The following HCN2 variants were observed in gnomAD, a reference collection of about 807,000 sequenced individuals.
The protein encoded by HCN2 is potassium/sodium hyperpolarization-activated cyclic nucleotide-gated channel 2.
Under a neutral mutation model 52.3 loss-of-function variants are expected in HCN2, and 20 were observed. The ratio of observed to expected loss-of-function variants is 0.38; its 90% CI spans 0.27 to 0.56. The LOEUF (loss-of-function observed/expected upper bound fraction) is 0.56. HCN2 is among the 20% of genes least tolerant of loss of function. The probability of loss-of-function intolerance (pLI) is 0.71; values close to 1 mark genes in which losing one functional copy is unlikely to be tolerated. For synonymous variants in HCN2, 694 were observed against 537.0 expected (o/e 1.29, Z -4.04); for missense variants, 981 against 1,207.7 (o/e 0.81, Z 2.78).
rs770097350 is a variant in HCN2, at chr19:590,554, C to T, written c.609C>T (p.Ile203=). ...GCGTCAAGTCGGCGGGGGCCTGGAT[C>T]ATCCACCCGTACAGCGACTTCAGGT... ...QERVKSAGAW[I]IHPYSDFRFY... Residue 203 remains isoleucine (I), a synonymous_variant, in exon 1 of 8, where the codon ATC becomes ATT. Coordinates refer to ENST00000251287, the MANE Select transcript of HCN2 (RefSeq NM_001194.4). This position sits in a 1 kb window ranked among gnomAD's most constrained non-coding sequence, Gnocchi z 7.2. 6.7e-7 allele frequency: 1 copy of T among 1,497,570 alleles called. No individual in the cohort carries two copies. The highest frequency in any genetic ancestry group is 9.0e-7 in the Non-Finnish European group (1 of 1,115,054). 92.8% of individuals were successfully genotyped at this position (1,497,570 alleles called of 1,614,324 possible).
intron 1 of HCN2, among the ~76,000 whole-genome samples, chr19:599,687 G>C (rs11085136): frequency 0.69 from 105,171 of 151,510 alleles, 38,272 homozygotes; most frequent in African/African-American, 0.91. Flanking sequence ...ACTCGGGAGG[G>C]TGAGGCAAGA....
At chr19:615,740 C>T in intron 7 of HCN2, 55 bp from the exon 8 acceptor site, 6 of 1,586,592 alleles carry the variant, frequency 3.8e-6, no homozygotes, top group Non-Finnish European at 4.3e-6. Flanking sequence ...TGCTCGGTGC[C>T]CGCTGTACGC....
chr19:598,563 C>T (rs1014992084), intron 1 of HCN2, among the ~76,000 whole-genome samples: 2 of 152,090 alleles, frequency 1.3e-5, no homozygotes, highest in Non-Finnish European at 2.9e-5. Context: ...GTCTTGGCCT[C>T]CCAAGGTGCT....
chr19:598,119 C>A (rs1345177826), intron 1 of HCN2, among the ~76,000 whole-genome samples: 1 of 152,196 alleles, frequency 6.6e-6, no homozygotes, highest in African/African-American at 2.4e-5. Flanking sequence ...CGGGTGGCAT[C>A]CCCTCAGCCC....
Position 590,074 on chromosome 19 carries a change from C to A in HCN2, c.129C>A (p.Pro43=). 1 of 593,124 alleles carries A rather than the reference C, an allele frequency of 1.7e-6. No individual in the cohort carries two copies. The highest frequency in any genetic ancestry group is 2.1e-6 in the Non-Finnish European group (1 of 479,592). 36.7% of individuals were successfully genotyped at this position (593,124 alleles called of 1,614,324 possible). A position where few individuals can be genotyped will look rare whatever the true frequency, so the allele number is the denominator to read the frequency against. Residue 43 remains proline (P), a synonymous_variant, in exon 1 of 8, where the codon CCC becomes CCA. Coordinates refer to ENST00000251287, the MANE Select transcript of HCN2 (RefSeq NM_001194.4). This position sits in a 1 kb window ranked among gnomAD's most constrained non-coding sequence, Gnocchi z 7.2. Reference sequence around the variant, plus strand: ...CGCCGCCGCCGCCGCCGCCCGCGCCCCCCCCGGGCCCCGGGCCCGCGCCCC... The same window carrying A: ...CGCCGCCGCCGCCGCCGCCCGCGCCACCCCCGGGCCCCGGGCCCGCGCCCC... ...QQPPPPPPPA[P]PPGPGPAPPQ... is the part of the protein sequence containing the mutation.
intron 3 of HCN2, among the ~76,000 whole-genome samples, chr19:606,245 C>T (rs1053790861): frequency 1.8e-4 from 27 of 152,200 alleles, no homozygotes; most frequent in Admixed American, 4.6e-4. Flanking sequence ...GGACTACAGG[C>T]GCCCGCCACC....
Position 613,964 on chromosome 19 carries a change from C to T in HCN2, c.1938C>T (p.Pro646=), listed in dbSNP as rs772325680. The T allele has an allele frequency of 3.1e-5, 48 of 1,526,308 alleles. 1 individual carries two copies. Among genetic ancestry groups the T allele is most frequent in the Middle Eastern group, 2.0e-4 (1 of 4,918 alleles). 94.5% of individuals were successfully genotyped at this position (1,526,308 alleles called of 1,614,324 possible). ...TCAACGAGGTGCTGGAGGAGTACCC[C>T]ATGATGCGGCGCGCCTTCGAGACGG... The part of the protein sequence containing the change: ...DNFNEVLEEY[P]MMRRAFETVA... The change falls in exon 7 of 8, where the codon CCC becomes CCT. Residue 646 remains proline, a synonymous_variant. Coordinates refer to ENST00000251287, the MANE Select transcript of HCN2 (RefSeq NM_001194.4).
At chr19:604,415 C>A (rs962981409) in intron 2 of HCN2, among the ~76,000 whole-genome samples, 3 of 126,800 alleles carry the variant, frequency 2.4e-5, no homozygotes, top group Non-Finnish European at 4.9e-5. Flanking sequence ...TATCAGGTTG[C>A]TGAGCAGGGT....
chr19:601,227 C>A (rs372172284), intron 1 of HCN2, among the ~76,000 whole-genome samples: 1 of 152,138 alleles, frequency 6.6e-6, no homozygotes, highest in Non-Finnish European at 1.5e-5. Context: ...GCAGGAGAAT[C>A]GCTTGAACTT....
rs546114693 is a variant in HCN2 at position 607,863 on chromosome 19, C to T, written c.1219-101C>T. The T allele has an allele frequency of 1.2e-4, 96 of 815,150 alleles. No individual in the cohort carries two copies. In the African/African-American group the frequency reaches 1.3e-3, roughly 11 times the overall value. 50.5% of individuals were successfully genotyped at this position (815,150 alleles called of 1,614,324 possible). A position where few individuals can be genotyped will look rare whatever the true frequency, so the allele number is the denominator to read the frequency against. On this transcript the variant is annotated intron_variant, in intron 3 of 7. Transcript: ENST00000251287. ...ACCTCTGAACATGGGGAGCTCACCACCTCCAGTGCTTGGCAGAGGGTGGGC... is the reference window on the plus strand; with the variant it reads ...ACCTCTGAACATGGGGAGCTCACCATCTCCAGTGCTTGGCAGAGGGTGGGC...
intron 3 of HCN2, 124 bp downstream of exon 3, chr19:605,346 CCCCCTT>C: frequency 1.5e-6 from 1 of 683,668 alleles, no homozygotes; most frequent in Non-Finnish European, 2.2e-6. Context: ...GACCCAGGCG[CCCCCTT>C]ATGGAGGGGA....
In HCN2 at chr19:613,608, CGGGGATGGGGATGGGGAT is replaced by C. The variant is rs1211883953; in HGVS notation, c.1825+131_1825+148del. The C allele has an allele frequency of 2.5e-3, 170 of 68,882 alleles. 19 individuals carry two copies. Among genetic ancestry groups the C allele is most frequent in the African/African-American group, 0.024 (151 of 6,338 alleles). The allele number at this position is 68,882 out of a possible 1,614,324, so 4.3% of individuals were successfully genotyped here. ...ATGGGGATGGGGATGGGGATGGGGC[CGGGGATGGGGATGGGGAT>C]GGGGATGGGGCCGGGGATGGGGATG... On this transcript the variant is annotated intron_variant, in intron 6 of 7. Coordinates refer to ENST00000251287, the MANE Select transcript of HCN2 (RefSeq NM_001194.4).
intron 1 of HCN2, among the ~76,000 whole-genome samples, chr19:593,569 G>A (rs562691258): frequency 3.3e-5 from 5 of 152,280 alleles, no homozygotes; most frequent in African/African-American, 4.8e-5. Flanking sequence ...GCAGTGAGCC[G>A]AGATCGCGCT....
At chr19:603,465 C>G (rs1197580729) in intron 1 of HCN2, 79 bp from the exon 2 acceptor site, 3 of 1,204,238 alleles carry the variant, frequency 2.5e-6, no homozygotes, top group African/African-American at 1.6e-5. Flanking sequence ...CCTCGTCCCC[C>G]AAGGAAGAGT....
Position 616,546 on chromosome 19 carries a change from T to G in HCN2, c.*72T>G, listed in dbSNP as rs1600544676. On this transcript the variant is annotated 3_prime_UTR_variant, in exon 8 of 8. Coordinates refer to ENST00000251287, the MANE Select transcript of HCN2 (RefSeq NM_001194.4). ...GTCATCCAGACCAAAGCCATGCCATTGCGCTGCCCCGGCCGCCAGTCCGCC... is the reference window on the plus strand; with the variant it reads ...GTCATCCAGACCAAAGCCATGCCATGGCGCTGCCCCGGCCGCCAGTCCGCC... The G allele has an allele frequency of 4.5e-6, 4 of 895,630 alleles. No homozygotes were observed. The African/African-American group carries it at 5.4e-5, about 12-fold the overall frequency. The allele number at this position is 895,630 out of a possible 1,614,324, so 55.5% of individuals were successfully genotyped here. A position where few individuals can be genotyped will look rare whatever the true frequency, so the allele number is the denominator to read the frequency against.
rs1270065603 is a variant in HCN2, at chr19:615,910, G to A, written c.2106G>A (p.Val702=). ...TCGTCAAGTACGACCGCGAGATGGT[G>A]CAGCAGGCCGAGCTGGGTCAGCGCG... is the stretch of plus-strand genomic sequence containing the variant. ...QEIVKYDREM[V]QQAELGQRVG... is the part of the protein sequence containing the mutation. Residue 702 remains valine (V), a synonymous_variant, in exon 8 of 8, where the codon GTG becomes GTA. Transcript: ENST00000251287. 54 of 1,612,384 alleles carry A rather than the reference G, an allele frequency of 3.3e-5. No individual in the cohort carries two copies. The highest frequency in any genetic ancestry group is 4.5e-5 in the East Asian group (2 of 44,854).
intron 1 of HCN2, among the ~76,000 whole-genome samples, chr19:601,944 C>T (rs1983214825): frequency 6.6e-6 from 1 of 152,032 alleles, no homozygotes; most frequent in Non-Finnish European, 1.5e-5. Flanking sequence ...GTGGAAACGC[C>T]CTCTGGTCTC....
rs186019555 is a variant in HCN2 at position 590,323 on chromosome 19, G to T, written c.378G>T (p.Ser126=). The change falls in exon 1 of 8, where the codon TCG becomes TCT. Residue 126 remains serine, a synonymous_variant. Coordinates refer to ENST00000251287, the MANE Select transcript of HCN2 (RefSeq NM_001194.4). This position sits in a 1 kb window ranked among gnomAD's most constrained non-coding sequence, Gnocchi z 7.2. ...CGCGGGGGCCCAAGGTGTCGTTCTC[G>T]TGCCGCGGGGCGGCCTCGGGGCCCG... ...GPARGPKVSF[S]CRGAASGPAP... 0.072 allele frequency: 74,041 copies of T among 1,022,050 alleles called. 3,350 individuals are homozygous for T. The highest frequency in any genetic ancestry group is 0.2 in the African/African-American group (11,596 of 57,204). The allele number at this position is 1,022,050 out of a possible 1,614,324, so 63.3% of individuals were successfully genotyped here.
chr19:598,995 G>A (rs1051412321), intron 1 of HCN2, among the ~76,000 whole-genome samples: 1 of 152,140 alleles, frequency 6.6e-6, no homozygotes, highest in East Asian at 1.9e-4. Context: ...ATCCCGAGGC[G>A]GTGGATGCTT....
Sources: gnomAD v4.1 joint callset for allele counts (sites outside exome capture counted in the v4.1 genomes callset) on GRCh38, gnomAD v4.1.1 for gene constraint, Gnocchi (gnomAD v3.1) non-coding constraint, MANE v1.5 for transcripts, NCBI Gene and HGNC (gene_info 2026-07-23, HGNC 2026-07-21) for gene names.